ANOS1: variants seen among roughly 807,000 people sequenced by gnomAD.
ANOS1 encodes the protein anosmin-1.
ANOS1 carries 6 observed loss-of-function variants against 59.0 expected under a neutral mutation model. That is an observed-to-expected ratio of 0.10 (90% CI 0.06 to 0.20). The LOEUF (loss-of-function observed/expected upper bound fraction) is 0.20. ANOS1 is among the 10% of genes least tolerant of loss of function. ANOS1 has a pLI of 1.00. For synonymous variants in ANOS1, 217 were observed against 223.4 expected (o/e 0.97, Z 0.25); for missense variants, 433 against 542.3 (o/e 0.80, Z 2.00).
chrX:8,646,503 C>T (rs139286414), intron 2 of ANOS1, among the ~76,000 whole-genome samples: 3,319 of 110,759 alleles, frequency 0.03, 78 homozygotes, highest in African/African-American at 0.084. Flanking sequence ...TAAATGTGAA[C>T]GCTAACACTC....
intron 3 of ANOS1, among the ~76,000 whole-genome samples, chrX:8,623,070 GGCTT>G (rs1931325189): frequency 1.8e-5 from 2 of 110,419 alleles, no homozygotes; most frequent in South Asian, 7.7e-4. Flanking sequence ...ATGGATGGAT[GGCTT>G]GCTGGCTGGC....
chrX:8,657,696 T>C (rs1931957205), intron 2 of ANOS1, among the ~76,000 whole-genome samples: 3 of 110,630 alleles, frequency 2.7e-5, no homozygotes, highest in Admixed American at 9.6e-5. Context: ...CTTGATCTCC[T>C]GACCTTGTGA....
At chrX:8,608,059 C>T (rs1930973511) in intron 3 of ANOS1, among the ~76,000 whole-genome samples, 1 of 111,668 alleles carries the variant, frequency 9.0e-6, no homozygotes, top group African/African-American at 3.3e-5. Flanking sequence ...AGCCTGTCCC[C>T]TTCAGAGCTT....
At chrX:8,674,475 C>A (rs916578477) in intron 2 of ANOS1, among the ~76,000 whole-genome samples, 2 of 112,025 alleles carry the variant, frequency 1.8e-5, no homozygotes, top group African/African-American at 3.2e-5. Context: ...GATGTGATTG[C>A]TTTATCGTCT....
chrX:8,676,325 C>T (rs1323077385), intron 2 of ANOS1, among the ~76,000 whole-genome samples: 1 of 111,850 alleles, frequency 8.9e-6, no homozygotes, highest in East Asian at 2.8e-4. Flanking sequence ...TAAGCACATC[C>T]CTGAGTTTTC....
intron 2 of ANOS1, among the ~76,000 whole-genome samples, chrX:8,694,327 G>A: frequency 8.9e-6 from 1 of 112,398 alleles, no homozygotes; most frequent in East Asian, 2.8e-4. Context: ...CATTATATTT[G>A]GCATGGAGTA....
rs368887670 is a variant in ANOS1, at chrX:8,713,898, C to T, written c.208-14153G>A. ...AAAGTGCTGGGATTACAGGCATGAGCCACCGTGTCCGGCCCAAATGTCTCT... is the reference window on the plus strand; with the variant it reads ...AAAGTGCTGGGATTACAGGCATGAGTCACCGTGTCCGGCCCAAATGTCTCT... On this transcript the variant is annotated intron_variant, in intron 1 of 13. Coordinates refer to ENST00000262648, the MANE Select transcript of ANOS1 (RefSeq NM_000216.4). Among the ~76,000 whole-genome samples the T allele has an allele frequency of 1.6e-4, 18 of 112,081 alleles. No individual in the cohort carries two copies. The East Asian group carries it at 4.8e-3, about 30-fold the overall frequency.
chrX:8,588,938 T>C (rs1601966931), intron 4 of ANOS1, among the ~76,000 whole-genome samples: 1 of 112,749 alleles, frequency 8.9e-6, no homozygotes, highest in South Asian at 3.7e-4. Context: ...CTGTACACAA[T>C]GGTCGTTTGC....
chrX:8,712,588 A>G lies in ANOS1; in HGVS notation c.208-12843T>C, dbSNP rs1602039555. Among the ~76,000 whole-genome samples, 3 of 112,389 alleles carry G rather than the reference A, an allele frequency of 2.7e-5. No homozygotes were observed. In the South Asian group the frequency reaches 1.1e-3, roughly 42 times the overall value. ...TTCAATTTGCTTCAACTCACTATCA[A>G]TGTTTATTTCTTCACTTTGGCCTCC... On this transcript the variant is annotated intron_variant, in intron 1 of 13. Coordinates refer to ENST00000262648, the MANE Select transcript of ANOS1 (RefSeq NM_000216.4).
intron 2 of ANOS1, among the ~76,000 whole-genome samples, chrX:8,644,377 A>T (rs1398140752): frequency 9.0e-6 from 1 of 110,741 alleles, no homozygotes; most frequent in East Asian, 2.8e-4. Flanking sequence ...CATTCACATT[A>T]GCATAGGGAT....
intron 4 of ANOS1, among the ~76,000 whole-genome samples, chrX:8,594,989 G>A (rs1930708363): frequency 9.2e-6 from 1 of 108,231 alleles, no homozygotes; most frequent in Admixed American, 1.0e-4. Context: ...TACATTGAAA[G>A]TGTCTTTGTA....
chrX:8,594,650 ATATATGTG>A (rs1223315647), intron 4 of ANOS1, among the ~76,000 whole-genome samples: 1 of 32,341 alleles, frequency 3.1e-5, no homozygotes, highest in African/African-American at 1.4e-4. Context: ...CTACATATAT[ATATATGTG>A]TATATATATA....
At position 8,640,464 on chromosome X, in the gene ANOS1, C is replaced by T. The variant is rs10521596; in HGVS notation, c.256-16794G>A. Among the ~76,000 whole-genome samples the T allele has an allele frequency of 4.4e-3, 485 of 110,200 alleles. 2 individuals carry two copies. Among genetic ancestry groups the T allele is most frequent in the African/African-American group, 0.015 (464 of 30,307 alleles). ...CACTGATGGCCCCACCGAATCAATT[C>T]GATTGAGCCGTGAGACAGGGAGCTT... On this transcript the variant is annotated intron_variant, in intron 2 of 13. Coordinates refer to ENST00000262648, the MANE Select transcript of ANOS1 (RefSeq NM_000216.4).
At chrX:8,566,535 G>A (rs776366606) in intron 8 of ANOS1, among the ~76,000 whole-genome samples, 1 of 111,174 alleles carries the variant, frequency 9.0e-6, no homozygotes, top group South Asian at 3.8e-4. Context: ...AGTATATAGT[G>A]TATATATAAT....
At chrX:8,611,301 T>C (rs1371894525) in intron 3 of ANOS1, among the ~76,000 whole-genome samples, 1 of 88,593 alleles carries the variant, frequency 1.1e-5, no homozygotes, top group African/African-American at 4.2e-5. Flanking sequence ...AAGCAGAGGG[T>C]GGGAAATGAC....
At chrX:8,692,039 T>C (rs1006921415) in intron 2 of ANOS1, among the ~76,000 whole-genome samples, 2 of 111,875 alleles carry the variant, frequency 1.8e-5, no homozygotes, top group African/African-American at 6.5e-5. Flanking sequence ...ATTGTTTTGT[T>C]TGGGTTTAGT....
chrX:8,604,739 G>A (rs1430353715), intron 3 of ANOS1, among the ~76,000 whole-genome samples: 2 of 111,918 alleles, frequency 1.8e-5, no homozygotes, highest in Non-Finnish European at 3.8e-5. Flanking sequence ...TGATACATCC[G>A]TCTCTGTATG....
intron 2 of ANOS1, among the ~76,000 whole-genome samples, chrX:8,631,155 G>A (rs7878369): frequency 0.1 from 11,245 of 111,717 alleles, 786 homozygotes; most frequent in South Asian, 0.25. Flanking sequence ...TCCAGGGTAC[G>A]TACAAGGAGT....
rs1261568889 is a variant in ANOS1 at position 8,572,040 on chromosome X, T to C, written c.857-1336A>G. Reference sequence around the variant, plus strand: ...TGGACATTTAGTTAGGTTAGTTCCTTTATTTTCTAAAATAAGAAAGCTTCA... The same window carrying C: ...TGGACATTTAGTTAGGTTAGTTCCTCTATTTTCTAAAATAAGAAAGCTTCA... On this transcript the variant is annotated intron_variant, in intron 6 of 13. Coordinates refer to ENST00000262648, the MANE Select transcript of ANOS1 (RefSeq NM_000216.4). 1.2e-4 allele frequency among the ~76,000 whole-genome samples: 13 copies of C among 112,268 alleles called. No homozygotes were observed. The Admixed American group carries it at 1.2e-3, about 11-fold the overall frequency.
Sources: gnomAD v4.1 joint callset for allele counts (sites outside exome capture counted in the v4.1 genomes callset) on GRCh38, gnomAD v4.1.1 for gene constraint, MANE v1.5 for transcripts, NCBI Gene and HGNC (gene_info 2026-07-23, HGNC 2026-07-21) for gene names.